The following CAMK4 variants were observed in gnomAD, a reference collection of about 807,000 sequenced individuals.
CAMK4 encodes the protein calcium/calmodulin dependent protein kinase IV.
A neutral mutation model predicts 44.9 loss-of-function variants in CAMK4; 22 were observed. That is an observed-to-expected ratio of 0.49 (90% CI 0.35 to 0.70). The LOEUF is 0.70. Ranked by LOEUF, CAMK4 falls within the 30% of genes least tolerant of loss-of-function variation. The probability of loss-of-function intolerance (pLI) is 0.01; values close to 1 mark genes in which losing one functional copy is unlikely to be tolerated. For missense variants in CAMK4, 498 were observed against 586.8 expected, an observed-to-expected ratio of 0.85 and a Z score of 1.56; for synonymous variants, 218 against 215.4, an observed-to-expected ratio of 1.01 and a Z score of -0.11.
chr5:111,349,104 C>CT (rs1749987112), intron 2 of CAMK4, among the ~76,000 whole-genome samples: 1 of 151,864 alleles, frequency 6.6e-6, no homozygotes, highest in South Asian at 2.1e-4. Flanking sequence ...TGTTTGTTTC[C>CT]TTTTTTTCCA....
At chr5:111,320,744 G>A (rs1748629214) in intron 1 of CAMK4, among the ~76,000 whole-genome samples, 4 of 152,134 alleles carry the variant, frequency 2.6e-5, no homozygotes, top group Admixed American at 2.6e-4. Context: ...GACCTCAGGT[G>A]ATCCACCCGC....
chr5:111,274,499 C>G (rs1468233510), intron 1 of CAMK4, among the ~76,000 whole-genome samples: 1 of 152,118 alleles, frequency 6.6e-6, no homozygotes, highest in Non-Finnish European at 1.5e-5. Flanking sequence ...CATTTTCTTT[C>G]TGATGGACAT....
intron 7 of CAMK4, among the ~76,000 whole-genome samples, chr5:111,467,645 C>T (rs1340003419): frequency 6.6e-6 from 1 of 152,026 alleles, no homozygotes; most frequent in African/African-American, 2.4e-5. Flanking sequence ...ATCAACACCG[C>T]AATGCAATGC....
At chr5:111,471,654 CA>C (rs1755070209) in intron 7 of CAMK4, among the ~76,000 whole-genome samples, 1 of 152,112 alleles carries the variant, frequency 6.6e-6, no homozygotes, top group Admixed American at 6.5e-5. Context: ...CAAGTTAGTA[CA>C]AGTTTATTTT....
Position 111,478,426 on chromosome 5 carries a change from C to T in CAMK4, c.747C>T (p.Phe249=). The T allele has an allele frequency of 1.3e-6, 2 of 1,575,912 alleles. No individual in the cohort carries two copies. Among genetic ancestry groups the T allele is most frequent in the Non-Finnish European group, 1.7e-6 (2 of 1,147,924 alleles). ...EPFYDERGDQ[F]MFRRILNCEY... is the part of the protein sequence containing the mutation. ...TCTATGATGAAAGAGGCGATCAGTT[C>T]ATGTTCAGGAGAATTCTGAATTGTG... Residue 249 remains phenylalanine, a synonymous_variant, in exon 9 of 11, where the codon TTC becomes TTT. Coordinates refer to ENST00000282356, the MANE Select transcript of CAMK4 (RefSeq NM_001744.6).
intron 1 of CAMK4, among the ~76,000 whole-genome samples, chr5:111,256,390 CAT>C (rs199983803): frequency 0.023 from 3,540 of 152,068 alleles, 64 homozygotes; most frequent in Middle Eastern, 0.044. Flanking sequence ...GATTAATCAA[CAT>C]GTGAGAAAAT....
At chr5:111,329,670 T>C (rs1452209487) in intron 1 of CAMK4, among the ~76,000 whole-genome samples, 1 of 151,772 alleles carries the variant, frequency 6.6e-6, no homozygotes, top group Admixed American at 6.6e-5. Flanking sequence ...AAGGTGAGCT[T>C]AACATTAGCT....
At chr5:111,263,930 T>C (rs1750110788) in intron 1 of CAMK4, among the ~76,000 whole-genome samples, 1 of 152,002 alleles carries the variant, frequency 6.6e-6, no homozygotes, top group South Asian at 2.1e-4. Context: ...AGCATTCTCA[T>C]AGAAAAAAAA....
intron 4 of CAMK4, among the ~76,000 whole-genome samples, chr5:111,378,728 G>GT (rs1184060819): frequency 3.3e-5 from 5 of 152,064 alleles, no homozygotes; most frequent in Non-Finnish European, 7.4e-5. Context: ...GGCAGCAGTT[G>GT]TTTTTTTGAA....
chr5:111,268,672 ATAT>A lies in CAMK4; in HGVS notation c.161+44032_161+44034del, dbSNP rs1202244028. ...GGAGAGAAAAATGATAGTGGGGATC[ATAT>A]TATAAATATTTATGATGTAATATAA... On this transcript the variant is annotated intron_variant, in intron 1 of 10. Coordinates refer to ENST00000282356, the MANE Select transcript of CAMK4 (RefSeq NM_001744.6). Among the ~76,000 whole-genome samples the A allele has an allele frequency of 3.9e-5, 6 of 152,338 alleles. No individual in the cohort carries two copies. In the East Asian group the frequency reaches 5.8e-4, roughly 15 times the overall value.
intron 1 of CAMK4, among the ~76,000 whole-genome samples, chr5:111,320,350 GA>G (rs1748608515): frequency 6.6e-6 from 1 of 152,158 alleles, no homozygotes; most frequent in South Asian, 2.1e-4. Flanking sequence ...GAGGAGGACT[GA>G]AGGGGCATAA....
At chr5:111,261,504 A>T (rs1749974118) in intron 1 of CAMK4, among the ~76,000 whole-genome samples, 1 of 151,274 alleles carries the variant, frequency 6.6e-6, no homozygotes, top group African/African-American at 2.4e-5. Context: ...CATAGCAATA[A>T]TTATCTTCAG....
intron 1 of CAMK4, among the ~76,000 whole-genome samples, chr5:111,325,161 C>A (rs576021132): frequency 4.6e-5 from 7 of 151,924 alleles, no homozygotes; most frequent in African/African-American, 1.7e-4. Context: ...CATCCATGTC[C>A]CTGCAAAGGA....
intron 1 of CAMK4, among the ~76,000 whole-genome samples, chr5:111,273,408 G>A (rs1002947749): frequency 6.6e-6 from 1 of 151,632 alleles, no homozygotes. Flanking sequence ...CAGATTGTAA[G>A]ATTCCAAAGT....
At chr5:111,245,821 G>A (rs1176969751) in intron 1 of CAMK4, among the ~76,000 whole-genome samples, 3 of 152,258 alleles carry the variant, frequency 2.0e-5, no homozygotes, top group Non-Finnish European at 2.9e-5. Context: ...ACTGTTGGGT[G>A]TGTACGTCAT....
chr5:111,355,608 C>T (rs1165946241), intron 2 of CAMK4, among the ~76,000 whole-genome samples: 8 of 149,100 alleles, frequency 5.4e-5, no homozygotes, highest in African/African-American at 1.7e-4. Flanking sequence ...CCCATTAACT[C>T]GTCATTTAGC....
At chr5:111,338,776 G>T (rs1206824298) in intron 1 of CAMK4, among the ~76,000 whole-genome samples, 1 of 151,380 alleles carries the variant, frequency 6.6e-6, no homozygotes, top group Non-Finnish European at 1.5e-5. Flanking sequence ...CTGTAGGTGT[G>T]TGGCTTTATT....
At chr5:111,235,599 C>T (rs371525690) in intron 1 of CAMK4, among the ~76,000 whole-genome samples, 2 of 152,278 alleles carry the variant, frequency 1.3e-5, no homozygotes, top group African/African-American at 4.8e-5. Context: ...ATAAACAGAG[C>T]TTATCATATG....
At chr5:111,235,664 C>T (rs1280397776) in intron 1 of CAMK4, among the ~76,000 whole-genome samples, 1 of 152,200 alleles carries the variant, frequency 6.6e-6, no homozygotes, top group African/African-American at 2.4e-5. Context: ...GGATGATCTC[C>T]AGAAAACCAG....
Sources: allele counts gnomAD v4.1 joint callset (sites outside exome capture counted in the v4.1 genomes callset), GRCh38; gene constraint gnomAD v4.1.1; transcripts MANE v1.5; gene names NCBI Gene and HGNC (gene_info 2026-07-23, HGNC 2026-07-21).